SZT2: variants seen among roughly 807,000 people sequenced by gnomAD.
The protein encoded by SZT2 is SZT2 subunit of KICSTOR complex, also known as KICSTOR complex protein SZT2.
SZT2 carries 216 observed loss-of-function variants against 404.2 expected under a neutral mutation model. The ratio of observed to expected loss-of-function variants is 0.53; its 90% CI spans 0.48 to 0.60. SZT2 has a LOEUF of 0.60. Among genes scored for constraint, SZT2 ranks in the 20% least tolerant of loss-of-function variants. The probability of loss-of-function intolerance (pLI) is 0.00; values close to 1 mark genes in which losing one functional copy is unlikely to be tolerated. For missense variants in SZT2, 3,857 were observed against 4,459.2 expected (o/e 0.86, Z 3.85); for synonymous variants, 1,693 against 1,749.9 (o/e 0.97, Z 0.81).
At position 43,420,702 on chromosome 1, in the gene SZT2, T is replaced by TAG; in HGVS notation, c.1262-44_1262-43dup. 6.4e-7 allele frequency: 1 copy of TAG among 1,561,888 alleles called. No homozygotes were observed. The highest frequency in any genetic ancestry group is 8.7e-7 in the Non-Finnish European group (1 of 1,149,040). On this transcript the variant is annotated intron_variant, in intron 9 of 71. Coordinates refer to ENST00000634258, the MANE Select transcript of SZT2 (RefSeq NM_001365999.1). This position sits in a 1 kb window ranked among gnomAD's most constrained non-coding sequence, Gnocchi z 5.1. ...TTCAGATAGAACTCGATCCCAGGCC[T>TAG]AGAGTCCTATGCCTTCTCCTAACTG...
Position 43,427,131 on chromosome 1 carries a change from G to GCA in SZT2, c.3385_3386insCA (p.Val1129AlafsTer2). 1 of 1,614,142 alleles carries GCA rather than the reference G, an allele frequency of 6.2e-7. No individual in the cohort carries two copies. The highest frequency in any genetic ancestry group is 8.5e-7 in the Non-Finnish European group (1 of 1,180,018). ...TCAGTGGCGCTGCTATGCAAGGCTTGTGAACCCCCAGCATGTGTTTCTGAC... is the reference window on the plus strand; with the variant it reads ...TCAGTGGCGCTGCTATGCAAGGCTTGCATGAACCCCCAGCATGTGTTTCTGAC... On this transcript the variant is annotated frameshift_variant, in exon 24 of 72. Transcript: ENST00000634258. LOFTEE classifies it high-confidence loss of function.
chr1:43,442,772 G>T lies in SZT2; in HGVS notation c.8152-47G>T, dbSNP rs1655209602. The T allele has an allele frequency of 6.5e-7, 1 of 1,549,986 alleles. No homozygotes were observed. Among genetic ancestry groups the T allele is most frequent in the Non-Finnish European group, 8.7e-7 (1 of 1,147,420 alleles). ...AGGAAGCCCTGGGATGAGAGAGAGGGTCCGAGGGCAAAGGCTATGAACCCA... is the reference window on the plus strand; with the variant it reads ...AGGAAGCCCTGGGATGAGAGAGAGGTTCCGAGGGCAAAGGCTATGAACCCA... On this transcript the variant is annotated intron_variant, in intron 58 of 71. Transcript: ENST00000634258. This position sits in a 1 kb window ranked among gnomAD's most constrained non-coding sequence, Gnocchi z 4.5.
chr1:43,391,457 C>A (rs1648302970), intron 1 of SZT2, among the ~76,000 whole-genome samples: 1 of 152,232 alleles, frequency 6.6e-6, no homozygotes, highest in African/African-American at 2.4e-5. Flanking sequence ...AATGGTAAAT[C>A]TCCAGTTCAC....
At chr1:43,396,337 G>A (rs977921468) in intron 1 of SZT2, among the ~76,000 whole-genome samples, 2 of 152,192 alleles carry the variant, frequency 1.3e-5, no homozygotes, top group East Asian at 1.9e-4. Context: ...ATAGACTCTC[G>A]TTTGGCAGAG....
chr1:43,428,110 A>G lies in SZT2; in HGVS notation c.3911A>G (p.Tyr1304Cys). Reference sequence around the variant, plus strand: ...CTGCAGGAGCATGCACAGCGGTGCTATGTCCGTGGTGAGCAGGAGGGCCGT... The same window carrying G: ...CTGCAGGAGCATGCACAGCGGTGCTGTGTCCGTGGTGAGCAGGAGGGCCGT... ...ALLQEHAQRC[Y>C]VRGLFRSLQQ... The change falls in exon 27 of 72, where the codon TAT becomes TGT. Residue 1304 changes from tyrosine (Y) to cysteine (C), a missense_variant. Transcript: ENST00000634258. 6.2e-7 allele frequency: 1 copy of G among 1,613,808 alleles called. No homozygotes were observed. The highest frequency in any genetic ancestry group is 8.5e-7 in the Non-Finnish European group (1 of 1,179,758).
In SZT2 at chr1:43,439,461, G is replaced by A. The variant is rs1251957445; in HGVS notation, c.6877+19G>A. 1 of 1,602,658 alleles carries A rather than the reference G, an allele frequency of 6.2e-7. No homozygotes were observed. ...GGCAAAGGTACGGTGCAGGGCACGG[G>A]CCTGTGGCACCACCAGGTGAGGGAA... On this transcript the variant is annotated intron_variant, in intron 49 of 71. Coordinates refer to ENST00000634258, the MANE Select transcript of SZT2 (RefSeq NM_001365999.1). This position sits in a 1 kb window ranked among gnomAD's most constrained non-coding sequence, Gnocchi z 4.2.
intron 1 of SZT2, among the ~76,000 whole-genome samples, chr1:43,395,267 T>A (rs1648857589): frequency 1.3e-5 from 2 of 152,168 alleles, no homozygotes; most frequent in Admixed American, 1.3e-4. Flanking sequence ...CTGAACAGGT[T>A]ACTTTGTTAC....
intron 2 of SZT2, 89 bp downstream of exon 2, chr1:43,403,391 C>CT: frequency 6.6e-7 from 1 of 1,525,582 alleles, no homozygotes; most frequent in Non-Finnish European, 8.8e-7. Context: ...GGGTGGGAGA[C>CT]TAACTCTTAA....
rs1653741567 is a variant in SZT2 at position 43,430,534 on chromosome 1, C to A, written c.4519C>A (p.Pro1507Thr). The A allele has an allele frequency of 3.1e-6, 5 of 1,614,168 alleles. No individual in the cohort carries two copies. In the East Asian group the frequency reaches 1.1e-4, roughly 36 times the overall value. The change falls in exon 32 of 72, where the codon CCA (proline) becomes ACA (threonine). Residue 1507 changes from proline to threonine, a missense_variant. Physicochemically the swap from Pro to Thr is conservative, Grantham distance 38. Around this residue, in one of 7 missense-constraint regions of SZT2, gnomAD observed 1,725 missense variants for 1,881.0 expected, o/e 0.92. Transcript: ENST00000634258. ...SACCVVTESD[P>T]ELEVEYRESR... The stretch of plus-strand genomic sequence containing the variant: ...CTGCTGTGTGGTCACTGAGAGTGAC[C>A]CAGAGCTAGAGGTAGAATACCGGGA...
At position 43,416,054 on chromosome 1, in the gene SZT2, G is replaced by A. The variant is rs749356000; in HGVS notation, c.725G>A (p.Arg242His). 24 of 1,598,264 alleles carry A rather than the reference G, an allele frequency of 1.5e-5. No individual in the cohort carries two copies. The highest frequency in any genetic ancestry group is 5.3e-5 in the African/African-American group (4 of 74,900). Residue 242 changes from arginine (R) to histidine (H), a missense_variant, in exon 6 of 72, where the codon CGT becomes CAT. Coordinates refer to ENST00000634258, the MANE Select transcript of SZT2 (RefSeq NM_001365999.1). ...TADLGLVSMI[R>H]QGILALQLLP... ...GATCTTGGGCTGGTCAGTATGATTC[G>A]TCAGGGCATCTTGGCACTGCAGTTA... is the stretch of plus-strand genomic sequence containing the variant.
At position 43,452,498 on chromosome 1, in the gene SZT2, A is replaced by G; in HGVS notation, c.*2018A>G. On this transcript the variant is annotated 3_prime_UTR_variant, in exon 72 of 72. Coordinates refer to ENST00000634258, the MANE Select transcript of SZT2 (RefSeq NM_001365999.1). ...ACACTTCAGTGATGGCTGAGGGGCA[A>G]GCCCTTTCCCAGACATCTCAGTGTC... The G allele has an allele frequency of 5.8e-6, 4 of 692,346 alleles. No individual in the cohort carries two copies. The East Asian group carries it at 1.1e-4, about 19-fold the overall frequency. The allele number at this position is 692,346 out of a possible 1,614,324, so 42.9% of individuals were successfully genotyped here. A position where few individuals can be genotyped will look rare whatever the true frequency, so the allele number is the denominator to read the frequency against.
In SZT2 at chr1:43,399,788, TATA is replaced by T. The variant is rs561323420; in HGVS notation, c.28-3386_28-3384del. Among the ~76,000 whole-genome samples, 604 of 151,360 alleles carry T rather than the reference TATA, an allele frequency of 4.0e-3. 13 individuals are homozygous for T. The highest frequency in any genetic ancestry group is 0.037 in the Admixed American group (555 of 15,194). ...CAGAGGGAATTTTTTTTAATGCAGA[TATA>T]ATGTTACTGTCTTGTGGAATTCCTT... On this transcript the variant is annotated intron_variant, in intron 1 of 71. Transcript: ENST00000634258.
In SZT2 at chr1:43,420,469, A is replaced by C. The variant is rs555538626; in HGVS notation, c.1261+146A>C. On this transcript the variant is annotated intron_variant, in intron 9 of 71. Coordinates refer to ENST00000634258, the MANE Select transcript of SZT2 (RefSeq NM_001365999.1). The surrounding 1 kb of genome is among the most constrained non-coding windows in gnomAD (Gnocchi z 5.1). ...GGGTTTTGAATTGTCATCAGGGCTT[A>C]ATTCTCTTAGCATGGAGCTTCCCAA... 8.6e-4 allele frequency: 1,010 copies of C among 1,168,354 alleles called. 2 individuals are homozygous for C. Among genetic ancestry groups the C allele is most frequent in the Non-Finnish European group, 1.1e-3 (934 of 855,092 alleles). The allele number at this position is 1,168,354 out of a possible 1,614,324, so 72.4% of individuals were successfully genotyped here.
intron 3 of SZT2, chr1:43,404,167 A>G (rs1051210024): frequency 3.6e-6 from 2 of 560,684 alleles, no homozygotes; most frequent in East Asian, 2.9e-5. Flanking sequence ...GGATCAGGCC[A>G]CTGCGCTCTA....
chr1:43,452,225 C>T lies in SZT2; in HGVS notation c.*1745C>T. The T allele has an allele frequency of 6.2e-7, 1 of 1,613,570 alleles. No individual in the cohort carries two copies. The highest frequency in any genetic ancestry group is 1.3e-5 in the African/African-American group (1 of 75,042). On this transcript the variant is annotated 3_prime_UTR_variant, in exon 72 of 72. Transcript: ENST00000634258. ...CTCACCTGAGCCAAAACCCCAGCTG[C>T]ATGCCTCAGGTTCTCCAGAAAAACG...
rs767884209 is a variant in SZT2 at position 43,437,542 on chromosome 1, A to T, written c.6290+34A>T. The T allele has an allele frequency of 1.2e-6, 2 of 1,614,020 alleles. No individual in the cohort carries two copies. The highest frequency in any genetic ancestry group is 4.5e-5 in the East Asian group (2 of 44,874). On this transcript the variant is annotated intron_variant, in intron 44 of 71. Transcript: ENST00000634258. This position sits in a 1 kb window ranked among gnomAD's most constrained non-coding sequence, Gnocchi z 5.3. ...CCCTTGGAAGGTGGGTAGGGCATGA[A>T]TTAAGGATGGCCTGGGAGGAGGCAT...
Position 43,421,317 on chromosome 1 carries a change from A to G in SZT2, c.1626+14A>G. On this transcript the variant is annotated intron_variant, in intron 11 of 71. Coordinates refer to ENST00000634258, the MANE Select transcript of SZT2 (RefSeq NM_001365999.1). ...TCCACCACCCCGGTGAGTAGCTCTG[A>G]AGTATAGTAGCCCCATTTCATGTCA... 1.6e-5 allele frequency: 25 copies of G among 1,597,736 alleles called. No individual in the cohort carries two copies. The highest frequency in any genetic ancestry group is 2.0e-5 in the Non-Finnish European group (24 of 1,179,408).
Position 43,452,411 on chromosome 1 carries a change from C to T in SZT2, c.*1931C>T. On this transcript the variant is annotated 3_prime_UTR_variant, in exon 72 of 72. Coordinates refer to ENST00000634258, the MANE Select transcript of SZT2 (RefSeq NM_001365999.1). Reference sequence around the variant, plus strand: ...TGACTGTGCCAGCCCTCGTCCGTCTCCCCAGGTCTCCAGTCCATGGCACCT... The same window carrying T: ...TGACTGTGCCAGCCCTCGTCCGTCTTCCCAGGTCTCCAGTCCATGGCACCT... 1 of 992,176 alleles carries T rather than the reference C, an allele frequency of 1.0e-6. No homozygotes were observed. Among genetic ancestry groups the T allele is most frequent in the Non-Finnish European group, 1.6e-6 (1 of 636,292 alleles). The allele number at this position is 992,176 out of a possible 1,614,324, so 61.5% of individuals were successfully genotyped here.
Position 43,437,633 on chromosome 1 carries a change from G to GGGAT in SZT2, c.6331_6334dup (p.Ala2112GlyfsTer19). ...TCCTGCAGTGACCGGCCATGGAAAG[G>GGGAT]GGATGCGCTGCCCCCTTCCCTCGCT... On this transcript the variant is annotated frameshift_variant, in exon 45 of 72. Transcript: ENST00000634258. LOFTEE classifies it high-confidence loss of function. The surrounding 1 kb of genome is among the most constrained non-coding windows in gnomAD (Gnocchi z 5.3). 6.2e-7 allele frequency: 1 copy of GGGAT among 1,614,096 alleles called. No individual in the cohort carries two copies. The highest frequency in any genetic ancestry group is 8.5e-7 in the Non-Finnish European group (1 of 1,180,002).
Sources: allele counts gnomAD v4.1 joint callset (sites outside exome capture counted in the v4.1 genomes callset), GRCh38; gene constraint gnomAD v4.1.1; regional missense constraint gnomAD v4.1.1; non-coding constraint Gnocchi (gnomAD v3.1); transcripts MANE v1.5; gene names NCBI Gene and HGNC (gene_info 2026-07-23, HGNC 2026-07-21).